The following THSD4 variants were observed in gnomAD, a reference collection of about 807,000 sequenced individuals.
THSD4 encodes thrombospondin type-1 domain-containing protein 4.
A neutral mutation model predicts 119.0 loss-of-function variants in THSD4; 69 were observed. The ratio of observed to expected loss-of-function variants is 0.58; its 90% CI spans 0.48 to 0.71. The LOEUF (loss-of-function observed/expected upper bound fraction) is 0.71. Among genes scored for constraint, THSD4 ranks in the 30% least tolerant of loss-of-function variants. The pLI, the probability that THSD4 is intolerant of heterozygous loss-of-function variation, is 0.00. For missense variants in THSD4, 1,393 were observed against 1,391.1 expected (o/e 1.00, Z -0.02); for synonymous variants, 524 against 540.4 (o/e 0.97, Z 0.42).
chr15:71,112,374 G>C (rs1057019026), upstream of THSD4: 31 of 790,912 alleles, frequency 3.9e-5, no homozygotes, highest in African/African-American at 5.3e-4. Flanking sequence ...AGCTAGAGCT[G>C]TCTTACATAG....
At chr15:71,756,699 C>G (rs28405881) in intron 14 of THSD4, among the ~76,000 whole-genome samples, 4,222 of 152,214 alleles carry the variant, frequency 0.028, 186 homozygotes, top group African/African-American at 0.098. Context: ...GATCACTTGA[C>G]CCCAAGAGGT....
chr15:71,433,396 A>G (rs1246818413), intron 7 of THSD4, among the ~76,000 whole-genome samples: 2 of 151,040 alleles, frequency 1.3e-5, no homozygotes, highest in African/African-American at 2.4e-5. Context: ...GTTCTTAACA[A>G]TTACATCTTA....
intron 1 of THSD4, among the ~76,000 whole-genome samples, chr15:71,138,780 A>G (rs1198731818): frequency 1.3e-5 from 2 of 151,990 alleles, no homozygotes; most frequent in African/African-American, 4.8e-5. Flanking sequence ...ATGGCTCTTA[A>G]TGCAATTTTA....
At chr15:71,623,984 A>T (rs537733314) in intron 7 of THSD4, among the ~76,000 whole-genome samples, 1 of 152,226 alleles carries the variant, frequency 6.6e-6, no homozygotes, top group Admixed American at 6.5e-5. Context: ...GAATTAATTC[A>T]TGAACCAGAC....
At chr15:71,750,405 C>T (rs962000751) in intron 14 of THSD4, among the ~76,000 whole-genome samples, 3 of 152,178 alleles carry the variant, frequency 2.0e-5, no homozygotes, top group African/African-American at 4.8e-5. Flanking sequence ...TCTCCCTCTG[C>T]GGTGTAAGAT....
intron 7 of THSD4, among the ~76,000 whole-genome samples, chr15:71,461,187 A>G (rs1358301283): frequency 6.6e-6 from 1 of 152,170 alleles, no homozygotes; most frequent in Non-Finnish European, 1.5e-5. Context: ...TTTGTTTGCA[A>G]GATGTCTCAC....
Position 71,765,059 on chromosome 15 carries a change from G to A in THSD4, c.2629G>A (p.Val877Met). The A allele has an allele frequency of 6.2e-7, 1 of 1,614,224 alleles. No homozygotes were observed. Reference protein sequence around the residue: ...ECGSGTQQREVICVRKNADTF... With the variant: ...ECGSGTQQREMICVRKNADTF... ...TGGGAGCGGGACGCAACAGAGGGAG[G>A]TGATTTGTGTTAGAAAGAATGCAGA... is the stretch of plus-strand genomic sequence containing the variant. Residue 877 changes from valine to methionine, a missense_variant, in exon 16 of 18, where the codon GTG becomes ATG. Val to Met is a conservative substitution (Grantham distance 21). Transcript: ENST00000261862.
At chr15:71,369,223 G>A (rs1330560325) in intron 6 of THSD4, among the ~76,000 whole-genome samples, 1 of 152,188 alleles carries the variant, frequency 6.6e-6, no homozygotes, top group Non-Finnish European at 1.5e-5. Flanking sequence ...CATGTCATCT[G>A]CAAACAGGAA....
At chr15:71,230,296 C>G (rs557522529) in intron 4 of THSD4, among the ~76,000 whole-genome samples, 25 of 152,322 alleles carry the variant, frequency 1.6e-4, no homozygotes, top group Non-Finnish European at 3.1e-4. Flanking sequence ...CCTAAGAGGG[C>G]TCCTCTTAGT....
At chr15:71,454,716 G>C (rs1351363325) in intron 7 of THSD4, among the ~76,000 whole-genome samples, 6 of 152,306 alleles carry the variant, frequency 3.9e-5, no homozygotes, top group Admixed American at 2.0e-4. Context: ...TGAAAAGAAG[G>C]CTTTCTCAGT....
intron 6 of THSD4, among the ~76,000 whole-genome samples, chr15:71,278,744 T>C (rs967008535): frequency 2.0e-5 from 3 of 151,968 alleles, no homozygotes; most frequent in Non-Finnish European, 2.9e-5. Context: ...ATTGCAGGGG[T>C]AAGAAACGCT....
At chr15:71,220,661 C>T (rs1051676811) in intron 4 of THSD4, among the ~76,000 whole-genome samples, 7 of 152,106 alleles carry the variant, frequency 4.6e-5, no homozygotes, top group African/African-American at 1.2e-4. Flanking sequence ...GGTCTAAAGG[C>T]TGGTATTAGA....
rs149969454 is a variant in THSD4, at chr15:71,463,776, C to T, written c.1152+51953C>T. Among the ~76,000 whole-genome samples the T allele has an allele frequency of 8.5e-4, 130 of 152,308 alleles. No individual in the cohort carries two copies. In the East Asian group the frequency reaches 0.016, roughly 18 times the overall value. On this transcript the variant is annotated intron_variant, in intron 7 of 17. Transcript: ENST00000261862. ...CTGATTAGACTCCAATCTCTTAACTCCTCCTCAGCTGTCTCTCTAGCTATG... is the reference window on the plus strand; with the variant it reads ...CTGATTAGACTCCAATCTCTTAACTTCTCCTCAGCTGTCTCTCTAGCTATG...
intron 6 of THSD4, among the ~76,000 whole-genome samples, chr15:71,349,607 T>C (rs546653567): frequency 3.9e-5 from 6 of 152,342 alleles, no homozygotes; most frequent in African/African-American, 1.4e-4. Context: ...GGAGGTAGCA[T>C]TCCCATTGTC....
intron 7 of THSD4, among the ~76,000 whole-genome samples, chr15:71,587,708 G>A (rs1211807919): frequency 1.5e-5 from 2 of 129,940 alleles, no homozygotes; most frequent in East Asian, 4.3e-4. Context: ...CACCAGCATG[G>A]CACATGTATA....
At chr15:71,672,657 A>G (rs1458817143) in intron 8 of THSD4, among the ~76,000 whole-genome samples, 1 of 152,184 alleles carries the variant, frequency 6.6e-6, no homozygotes, top group Non-Finnish European at 1.5e-5. Flanking sequence ...TTTGAGATAC[A>G]TTCCATCAGT....
chr15:71,486,288 C>T (rs1337958248), intron 7 of THSD4, among the ~76,000 whole-genome samples: 1 of 152,118 alleles, frequency 6.6e-6, no homozygotes, highest in Non-Finnish European at 1.5e-5. Flanking sequence ...TAGTTTCTCC[C>T]CCTTTGCTAG....
At chr15:71,576,224 A>G (rs890339032) in intron 7 of THSD4, among the ~76,000 whole-genome samples, 16 of 152,250 alleles carry the variant, frequency 1.1e-4, no homozygotes, top group African/African-American at 3.4e-4. Flanking sequence ...CCTGTGGTTG[A>G]ATAAGAGAAA....
At chr15:71,539,672 A>G (rs2048731764) in intron 7 of THSD4, among the ~76,000 whole-genome samples, 1 of 152,200 alleles carries the variant, frequency 6.6e-6, no homozygotes. Context: ...TTCCTTGAGG[A>G]ATATACCTTC....
Sources: gnomAD v4.1 joint callset for allele counts (sites outside exome capture counted in the v4.1 genomes callset) on GRCh38, gnomAD v4.1.1 for gene constraint, MANE v1.5 for transcripts, NCBI Gene and HGNC (gene_info 2026-07-23, HGNC 2026-07-21) for gene names.